BACH2: variants seen among roughly 807,000 people sequenced by gnomAD.
BACH2 encodes BACH transcriptional regulator 2.
BACH2 carries 5 observed loss-of-function variants against 61.8 expected under a neutral mutation model. The ratio of observed to expected loss-of-function variants is 0.08; its 90% CI spans 0.04 to 0.17. BACH2 has a LOEUF of 0.17. Ranked by LOEUF, BACH2 falls within the 10% of genes least tolerant of loss-of-function variation. The probability of loss-of-function intolerance (pLI) is 1.00; values close to 1 mark genes in which losing one functional copy is unlikely to be tolerated. For missense variants in BACH2, 824 were observed against 1,091.1 expected (o/e 0.76, Z 3.45); for synonymous variants, 446 against 440.1 (o/e 1.01, Z -0.17).
At chr6:90,172,255 G>A (rs1005300501) in intron 4 of BACH2, among the ~76,000 whole-genome samples, 5 of 146,066 alleles carry the variant, frequency 3.4e-5, no homozygotes, top group African/African-American at 7.7e-5. Context: ...GCAGTGAGCC[G>A]AGATCATGCC....
At chr6:90,058,501 A>T (rs1780494200) in intron 5 of BACH2, among the ~76,000 whole-genome samples, 1 of 152,248 alleles carries the variant, frequency 6.6e-6, no homozygotes, top group African/African-American at 2.4e-5. Context: ...AGAACATTCC[A>T]TGCTCATGGG....
chr6:90,028,996 C>G (rs1366624999), intron 5 of BACH2, among the ~76,000 whole-genome samples: 1 of 152,304 alleles, frequency 6.6e-6, no homozygotes, highest in East Asian at 1.9e-4. Flanking sequence ...CAAATTAGCT[C>G]CTCTTTTCCA....
At chr6:89,966,665 C>T (rs1021017443) in intron 6 of BACH2, among the ~76,000 whole-genome samples, 3 of 152,256 alleles carry the variant, frequency 2.0e-5, no homozygotes, top group African/African-American at 2.4e-5. Flanking sequence ...GGAAATGAAA[C>T]GGGAGCCGAT....
At chr6:90,262,860 A>G (rs574309289) in intron 2 of BACH2, among the ~76,000 whole-genome samples, 1 of 152,242 alleles carries the variant, frequency 6.6e-6, no homozygotes, top group South Asian at 2.1e-4. Context: ...CATTTCACAC[A>G]GAACTTTCTA....
intron 4 of BACH2, among the ~76,000 whole-genome samples, chr6:90,144,604 C>T (rs574354406): frequency 6.6e-6 from 1 of 152,336 alleles, no homozygotes; most frequent in Admixed American, 6.5e-5. Flanking sequence ...CCTTCAGGAA[C>T]ACCACTGTTT....
At chr6:90,235,233 T>A (rs1466206648) in intron 3 of BACH2, among the ~76,000 whole-genome samples, 1 of 152,130 alleles carries the variant, frequency 6.6e-6, no homozygotes, top group Non-Finnish European at 1.5e-5. Flanking sequence ...GATTAGTGTG[T>A]GGTTAAAAGC....
chr6:89,995,660 C>T (rs1047175423), intron 6 of BACH2, among the ~76,000 whole-genome samples: 8 of 152,204 alleles, frequency 5.3e-5, no homozygotes, highest in South Asian at 2.1e-4. Flanking sequence ...GCTTTGACCC[C>T]GAGTGATCAC....
At position 90,059,635 on chromosome 6, in the gene BACH2, A is replaced by G. The variant is rs1021670476; in HGVS notation, c.-13+29326T>C. On this transcript the variant is annotated intron_variant, in intron 5 of 8. Transcript: ENST00000257749. Reference sequence around the variant, plus strand: ...CCATCCCATTACTGGGTATATACCCAAAGGATTATAAATCATGCTGCTATA... The same window carrying G: ...CCATCCCATTACTGGGTATATACCCGAAGGATTATAAATCATGCTGCTATA... 1.7e-3 allele frequency among the ~76,000 whole-genome samples: 260 copies of G among 152,302 alleles called. 2 individuals are homozygous for G. The highest frequency in any genetic ancestry group is 5.9e-3 in the African/African-American group (246 of 41,562).
At position 89,951,506 on chromosome 6, in the gene BACH2, T is replaced by G. The variant is rs1157709760; in HGVS notation, c.600A>C (p.Ala200=). The G allele has an allele frequency of 6.2e-7, 1 of 1,614,254 alleles. No homozygotes were observed. The highest frequency in any genetic ancestry group is 8.5e-7 in the Non-Finnish European group (1 of 1,180,036). ...CGGGCAGCAGGGCTTCTTCCTTCTCTGCTACGGGGATGGCGGCGGCCTCAA... is the reference window on the plus strand; with the variant it reads ...CGGGCAGCAGGGCTTCTTCCTTCTCGGCTACGGGGATGGCGGCGGCCTCAA... The part of the protein sequence containing the change: ...ISFEAAAIPV[A]EKEEALLPEP... The change falls in exon 7 of 9, where the codon GCA becomes GCC. Residue 200 remains alanine, a synonymous_variant. Coordinates refer to ENST00000257749, the MANE Select transcript of BACH2 (RefSeq NM_021813.4). This position sits in a 1 kb window ranked among gnomAD's most constrained non-coding sequence, Gnocchi z 6.4.
At chr6:89,997,781 T>C (rs1053393190) in intron 6 of BACH2, among the ~76,000 whole-genome samples, 3 of 152,156 alleles carry the variant, frequency 2.0e-5, no homozygotes, top group Admixed American at 1.3e-4. Context: ...ATATAAACCT[T>C]CCATTTGACT....
chr6:90,115,317 A>C (rs144881197), intron 4 of BACH2, among the ~76,000 whole-genome samples: 1 of 152,320 alleles, frequency 6.6e-6, no homozygotes, highest in Non-Finnish European at 1.5e-5. Flanking sequence ...CTGGTACAAA[A>C]ACAAACACAT....
intron 1 of BACH2, among the ~76,000 whole-genome samples, chr6:90,293,372 G>C (rs538476955): frequency 6.6e-6 from 1 of 151,944 alleles, no homozygotes; most frequent in East Asian, 1.9e-4. Context: ...TTTCCTTTTT[G>C]TTAAGACTGG....
intron 3 of BACH2, among the ~76,000 whole-genome samples, chr6:90,221,153 A>T (rs1181194481): frequency 6.6e-6 from 1 of 152,242 alleles, no homozygotes; most frequent in East Asian, 1.9e-4. Context: ...TGAAATCTTC[A>T]ATCAAACAAA....
At chr6:90,049,310 G>C (rs566055480) in intron 5 of BACH2, among the ~76,000 whole-genome samples, 41 of 152,296 alleles carry the variant, frequency 2.7e-4, no homozygotes, top group Admixed American at 1.7e-3. Flanking sequence ...GTAGTGATAA[G>C]TGTTATAAAA....
intron 5 of BACH2, among the ~76,000 whole-genome samples, chr6:90,064,426 C>T (rs745796286): frequency 3.3e-5 from 5 of 152,130 alleles, no homozygotes; most frequent in Non-Finnish European, 5.9e-5. Context: ...AGACAAGAAG[C>T]GGTCCAGACA....
At chr6:90,051,497 T>C (rs1488675663) in intron 5 of BACH2, among the ~76,000 whole-genome samples, 3 of 152,102 alleles carry the variant, frequency 2.0e-5, no homozygotes, top group Admixed American at 6.5e-5. Flanking sequence ...AGTGGCAGAG[T>C]TGAGTAGTAG....
chr6:90,095,132 G>A (rs529802362), intron 4 of BACH2, among the ~76,000 whole-genome samples: 1 of 152,240 alleles, frequency 6.6e-6, no homozygotes, highest in East Asian at 1.9e-4. Context: ...GAAACACTAA[G>A]TGGAGTAGTC....
chr6:89,968,677 G>A (rs1285426060), intron 6 of BACH2, among the ~76,000 whole-genome samples: 3 of 152,212 alleles, frequency 2.0e-5, no homozygotes, highest in Non-Finnish European at 4.4e-5. Flanking sequence ...TGTGCTGGAT[G>A]CTGAAGTGAA....
At chr6:90,186,955 A>C (rs1321068799) in intron 4 of BACH2, among the ~76,000 whole-genome samples, 3 of 152,220 alleles carry the variant, frequency 2.0e-5, no homozygotes, top group African/African-American at 7.2e-5. Flanking sequence ...TCAGAGGGCT[A>C]ATTAAGTGTG....
Sources: allele counts gnomAD v4.1 joint callset (sites outside exome capture counted in the v4.1 genomes callset), GRCh38; gene constraint gnomAD v4.1.1; non-coding constraint Gnocchi (gnomAD v3.1); transcripts MANE v1.5; gene names NCBI Gene and HGNC (gene_info 2026-07-23, HGNC 2026-07-21).